RPSA2: variants seen among roughly 807,000 people sequenced by gnomAD.
RPSA2 encodes the protein small ribosomal subunit protein uS2B.
At chr19:23,839,918 A>C in the RPSA2 span, among the ~76,000 whole-genome samples, 1 of 152,252 alleles carries the variant, frequency 6.6e-6, no homozygotes, top group Non-Finnish European at 1.5e-5. Context: ...AGGAGAAGAG[A>C]GTCTCCCTTT....
At chr19:23,786,315 C>A in the RPSA2 span, among the ~76,000 whole-genome samples, 1 of 152,164 alleles carries the variant, frequency 6.6e-6, no homozygotes, top group Non-Finnish European at 1.5e-5. Flanking sequence ...CTGGACCTTC[C>A]TGCGGGAGTG....
chr19:23,761,933 TTTGA>T, the RPSA2 span, among the ~76,000 whole-genome samples: 82 of 41,982 alleles, frequency 2.0e-3, 10 homozygotes, highest in East Asian at 3.4e-3. Context: ...TTTTTTTTTT[TTTGA>T]GATGGAGTCT....
chr19:23,827,040 T>G, the RPSA2 span: 2 of 681,242 alleles, frequency 2.9e-6, no homozygotes, highest in South Asian at 1.6e-5. Context: ...TTGAAAGATA[T>G]TTGCATTGCT....
the RPSA2 span, among the ~76,000 whole-genome samples, chr19:23,791,706 T>C: frequency 1.3e-5 from 2 of 152,078 alleles, no homozygotes; most frequent in Non-Finnish European, 2.9e-5. Context: ...TGTCCTTGAG[T>C]GTACATTTTT....
At chr19:23,847,129 C>T in the RPSA2 span, among the ~76,000 whole-genome samples, 6 of 150,720 alleles carry the variant, frequency 4.0e-5, no homozygotes, top group Admixed American at 3.3e-4. Flanking sequence ...CTTTTTATGC[C>T]TGTTTCAGTC....
the RPSA2 span, among the ~76,000 whole-genome samples, chr19:23,849,504 TACTC>T: frequency 2.6e-5 from 4 of 152,196 alleles, no homozygotes; most frequent in African/African-American, 9.7e-5. Flanking sequence ...CCGCTTTCCA[TACTC>T]ACAGCCCGGA....
chr19:23,861,227 C>T, the RPSA2 span, among the ~76,000 whole-genome samples: 1 of 152,184 alleles, frequency 6.6e-6, no homozygotes, highest in African/African-American at 2.4e-5. Context: ...GACCTGTCCT[C>T]AAGGCATTGG....
At chr19:23,785,536 C>T in the RPSA2 span, among the ~76,000 whole-genome samples, 1 of 152,118 alleles carries the variant, frequency 6.6e-6, no homozygotes, top group African/African-American at 2.4e-5. Flanking sequence ...AGCATTGTTA[C>T]CTATTGCTGG....
chr19:23,822,700 C>G, the RPSA2 span, among the ~76,000 whole-genome samples: 3 of 152,124 alleles, frequency 2.0e-5, no homozygotes, highest in Non-Finnish European at 2.9e-5. Context: ...CCTCCTGGGA[C>G]AGGGGCTCAG....
the RPSA2 span, among the ~76,000 whole-genome samples, chr19:23,857,408 C>T: frequency 3.2e-4 from 49 of 151,946 alleles, no homozygotes; most frequent in African/African-American, 1.1e-3. Flanking sequence ...CCAGCCGGTC[C>T]CTCCATTTGG....
At chr19:23,827,626 C>T in the RPSA2 span, 9 of 1,593,178 alleles carry the variant, frequency 5.6e-6, no homozygotes, top group Non-Finnish European at 7.7e-6. Flanking sequence ...CTCCTCTGCG[C>T]TATGTGGACA....
At chr19:23,831,383 C>T in the RPSA2 span, among the ~76,000 whole-genome samples, 1 of 152,130 alleles carries the variant, frequency 6.6e-6, no homozygotes, top group Non-Finnish European at 1.5e-5. Flanking sequence ...ACCTGGAACA[C>T]TGCACACACT....
the RPSA2 span, among the ~76,000 whole-genome samples, chr19:23,837,361 ATGC>A: frequency 1.9e-5 from 1 of 53,062 alleles, no homozygotes; most frequent in African/African-American, 6.4e-5. Flanking sequence ...TACCAGGACC[ATGC>A]TGTTTTGGTG....
chr19:23,808,845 G>A, the RPSA2 span: 1 of 566,834 alleles, frequency 1.8e-6, no homozygotes, highest in Non-Finnish European at 2.9e-6. Flanking sequence ...CAGACAACAT[G>A]GATGAGAGGC....
At chr19:23,833,797 G>A in the RPSA2 span, among the ~76,000 whole-genome samples, 1 of 151,884 alleles carries the variant, frequency 6.6e-6, no homozygotes, top group African/African-American at 2.4e-5. Context: ...CTTTAAAAAA[G>A]CACTACAAAT....
At chr19:23,841,359 G>A in the RPSA2 span, among the ~76,000 whole-genome samples, 1 of 152,100 alleles carries the variant, frequency 6.6e-6, no homozygotes, top group Non-Finnish European at 1.5e-5. Context: ...AGCTACTCGG[G>A]AGGCTAAGGC....
the RPSA2 span, among the ~76,000 whole-genome samples, chr19:23,761,923 T>TCTTTCTTTCTTTCTTTCTTTCTTTC: frequency 1.9e-4 from 12 of 63,554 alleles, no homozygotes; most frequent in East Asian, 1.2e-3. Context: ...TTTCTTTCTT[T>TCTTTCTTTCTTTCTTTCTTTCTTTC]TTTTTTTTTT....
At chr19:23,859,454 G>A in the RPSA2 span, among the ~76,000 whole-genome samples, 1 of 152,092 alleles carries the variant, frequency 6.6e-6, no homozygotes, top group Non-Finnish European at 1.5e-5. Flanking sequence ...CATGGAGAAA[G>A]CCCGTCTCTA....
the RPSA2 span, among the ~76,000 whole-genome samples, chr19:23,830,687 C>A: frequency 6.6e-6 from 1 of 151,098 alleles, no homozygotes; most frequent in Non-Finnish European, 1.5e-5. Context: ...TCTGAATTTC[C>A]ATAGTTGTCT....
Sources: gnomAD v4.1 joint callset for allele counts (sites outside exome capture counted in the v4.1 genomes callset) on GRCh38, gnomAD v4.1.1 for gene constraint, MANE v1.5 for transcripts, NCBI Gene and HGNC (gene_info 2026-07-23, HGNC 2026-07-21) for gene names.